Variants in CDH23 observed in about 807,000 individuals in gnomAD.
The protein encoded by CDH23 is cadherin-23.
Under a neutral mutation model 317.1 loss-of-function variants are expected in CDH23, and 189 were observed. The ratio of observed to expected loss-of-function variants is 0.60; its 90% CI spans 0.53 to 0.67. The LOEUF (loss-of-function observed/expected upper bound fraction) is 0.67. CDH23 is among the 30% of genes least tolerant of loss of function. The pLI is 0.00. For synonymous variants in CDH23, 1,839 were observed against 1,876.8 expected (o/e 0.98, Z 0.52); for missense variants, 4,401 against 4,592.4 (o/e 0.96, Z 1.20).
intron 3 of CDH23, among the ~76,000 whole-genome samples, chr10:71,473,492 G>C (rs1456981324): frequency 6.6e-6 from 1 of 152,180 alleles, no homozygotes; most frequent in Non-Finnish European, 1.5e-5. Context: ...GAGGTTGAAG[G>C]GAAGGGCAGG....
At chr10:71,599,719 G>T (rs564227444) in intron 9 of CDH23, among the ~76,000 whole-genome samples, 15 of 152,280 alleles carry the variant, frequency 9.9e-5, no homozygotes, top group African/African-American at 3.6e-4. Flanking sequence ...TCTGACCTGT[G>T]GCCTGGACAG....
At chr10:71,723,925 G>A in intron 28 of CDH23, 120 bp from the exon 29 acceptor site, 5 of 1,118,050 alleles carry the variant, frequency 4.5e-6, no homozygotes, top group Non-Finnish European at 6.6e-6. Flanking sequence ...CTCTGAGGGA[G>A]ACCACAGGTT....
chr10:71,645,148 C>T (rs988959178), intron 12 of CDH23, among the ~76,000 whole-genome samples: 1 of 152,204 alleles, frequency 6.6e-6, no homozygotes, highest in Non-Finnish European at 1.5e-5. Context: ...GAGGCACCCA[C>T]CTCCCTGAAA....
chr10:71,567,007 T>A, intron 7 of CDH23, 71 bp downstream of exon 7: 1 of 1,405,870 alleles, frequency 7.1e-7, no homozygotes, highest in African/African-American at 1.4e-5. Flanking sequence ...TGACGGGGCA[T>A]TCCAATGGGA....
At chr10:71,670,587 A>G (rs760195698) in intron 14 of CDH23, among the ~76,000 whole-genome samples, 11 of 152,168 alleles carry the variant, frequency 7.2e-5, no homozygotes, top group Non-Finnish European at 1.5e-4. Flanking sequence ...AGGCAGTTAC[A>G]GAAGGAAAGG....
chr10:71,810,681 C>CT, intron 62 of CDH23, 112 bp downstream of exon 62: 1 of 938,520 alleles, frequency 1.1e-6, no homozygotes, highest in South Asian at 1.5e-5. Flanking sequence ...ATCAGGCCCA[C>CT]TGTGTGGGGC....
chr10:71,739,393 C>T (rs1839673599), intron 35 of CDH23, among the ~76,000 whole-genome samples: 1 of 152,322 alleles, frequency 6.6e-6, no homozygotes, highest in East Asian at 1.9e-4. Context: ...GACTCAAGCC[C>T]CACTCTTCCA....
At chr10:71,409,376 T>G (rs1240612472) in intron 1 of CDH23, among the ~76,000 whole-genome samples, 2 of 152,066 alleles carry the variant, frequency 1.3e-5, no homozygotes, top group Admixed American at 1.3e-4. Context: ...CTTAAACTCA[T>G]TGTTTAAGAG....
intron 53 of CDH23, among the ~76,000 whole-genome samples, chr10:71,801,055 G>A (rs898746108): frequency 6.6e-6 from 1 of 151,778 alleles, no homozygotes; most frequent in Non-Finnish European, 1.5e-5. Context: ...GGCTCCACAT[G>A]GCCCAGTATC....
intron 1 of CDH23, among the ~76,000 whole-genome samples, chr10:71,400,361 C>A (rs1392772978): frequency 6.6e-6 from 1 of 152,220 alleles, no homozygotes; most frequent in South Asian, 2.1e-4. Flanking sequence ...TTCCCCTAAG[C>A]TAGCCTCTTT....
rs778652757 is a variant in CDH23, at chr10:71,679,416, C to G, written c.1782C>G (p.Asn594Lys). Reference sequence around the variant, plus strand: ...CAGATGAAGACTCCCCTCCCAACAACCAGATCACCTACAGCATTGTCAGTG... The same window carrying G: ...CAGATGAAGACTCCCCTCCCAACAAGCAGATCACCTACAGCATTGTCAGTG... ...RATDEDSPPN[N>K]QITYSIVSAS... The change falls in exon 17 of 70, where the codon AAC becomes AAG. Residue 594 changes from asparagine (N) to lysine (K), a missense_variant. Asn to Lys is a moderately conservative substitution (Grantham distance 94). This residue lies in a region of CDH23 where 3,068 missense variants were observed against 3,203.3 expected (regional missense o/e 0.96). Transcript: ENST00000224721. 6.2e-7 allele frequency: 1 copy of G among 1,610,868 alleles called. No individual in the cohort carries two copies. Among genetic ancestry groups the G allele is most frequent in the Non-Finnish European group, 8.5e-7 (1 of 1,177,994 alleles).
chr10:71,646,364 T>A, intron 13 of CDH23, 95 bp from the exon 14 acceptor site: 1 of 1,555,048 alleles, frequency 6.4e-7, no homozygotes, highest in Non-Finnish European at 8.7e-7. Flanking sequence ...TGCTCTGGGC[T>A]GGGGCCGGCA....
At chr10:71,503,690 C>T in intron 3 of CDH23, among the ~76,000 whole-genome samples, 1 of 152,128 alleles carries the variant, frequency 6.6e-6, no homozygotes, top group Non-Finnish European at 1.5e-5. Flanking sequence ...ACTGTGAAGA[C>T]AATAACGTGG....
chr10:71,574,962 A>T (rs959504241), intron 8 of CDH23, among the ~76,000 whole-genome samples: 2 of 126,220 alleles, frequency 1.6e-5, no homozygotes, highest in African/African-American at 6.1e-5. Context: ...CCCACCCCCC[A>T]CTGCACCATG....
chr10:71,759,848 T>C (rs538599800), intron 38 of CDH23, among the ~76,000 whole-genome samples: 286 of 11,594 alleles, frequency 0.025, 9 homozygotes, highest in South Asian at 0.046. Flanking sequence ...CACACACACA[T>C]ATACACACAC....
At chr10:71,657,867 C>T (rs1019715704) in intron 14 of CDH23, among the ~76,000 whole-genome samples, 2 of 152,168 alleles carry the variant, frequency 1.3e-5, no homozygotes, top group Non-Finnish European at 2.9e-5. Flanking sequence ...AAATTGAATT[C>T]TTTATCTGCA....
intron 11 of CDH23, among the ~76,000 whole-genome samples, chr10:71,632,997 G>T (rs769811057): frequency 2.6e-5 from 4 of 152,126 alleles, no homozygotes; most frequent in African/African-American, 4.8e-5. Flanking sequence ...GTCACGGGGT[G>T]GTGCAGGGCA....
At chr10:71,487,063 G>T (rs1035439840) in intron 3 of CDH23, among the ~76,000 whole-genome samples, 2 of 152,078 alleles carry the variant, frequency 1.3e-5, no homozygotes, top group African/African-American at 4.8e-5. Flanking sequence ...TCCCCAAGGT[G>T]CATCTAGAAC....
intron 3 of CDH23, among the ~76,000 whole-genome samples, chr10:71,507,417 C>T (rs1853702715): frequency 6.6e-6 from 1 of 152,212 alleles, no homozygotes. Context: ...TTAGGCCGGA[C>T]ATGGTGGCTC....
Sources: gnomAD v4.1 joint callset for allele counts (sites outside exome capture counted in the v4.1 genomes callset) on GRCh38, gnomAD v4.1.1 for gene constraint, gnomAD v4.1.1 regional missense constraint, MANE v1.5 for transcripts, NCBI Gene and HGNC (gene_info 2026-07-23, HGNC 2026-07-21) for gene names.